The following EPM2A variants were observed in gnomAD, a reference collection of about 807,000 sequenced individuals.
EPM2A encodes EPM2A glucan phosphatase, laforin.
EPM2A carries 21 observed loss-of-function variants against 26.5 expected under a neutral mutation model. That is an observed-to-expected ratio of 0.79 (90% CI 0.56 to 1.14). EPM2A has a LOEUF of 1.14. Among genes scored for constraint, EPM2A ranks in the 50% most tolerant of loss-of-function variants. The pLI is 0.00. For synonymous variants in EPM2A, 217 were observed against 177.6 expected (o/e 1.22, Z -1.76); for missense variants, 458 against 440.8 (o/e 1.04, Z -0.35).
chr6:145,546,353 TC>T (rs760414984), intron 2 of EPM2A, among the ~76,000 whole-genome samples: 52 of 152,248 alleles, frequency 3.4e-4, no homozygotes, highest in Non-Finnish European at 6.0e-4. Context: ...AAAAAGTTCT[TC>T]CTTTTCTCTG....
chr6:145,652,457 G>T (rs1777950541), intron 2 of EPM2A, among the ~76,000 whole-genome samples: 1 of 152,004 alleles, frequency 6.6e-6, no homozygotes, highest in African/African-American at 2.4e-5. Flanking sequence ...TTCTGAAGGT[G>T]TTTACAAGAC....
At chr6:145,651,279 G>A (rs1777859089) in intron 2 of EPM2A, among the ~76,000 whole-genome samples, 1 of 152,162 alleles carries the variant, frequency 6.6e-6, no homozygotes, top group Non-Finnish European at 1.5e-5. Flanking sequence ...CTTGAAGTAA[G>A]GAATTCTACA....
chr6:145,395,864 G>A (rs1778398985), intron 4 of EPM2A, among the ~76,000 whole-genome samples: 1 of 152,124 alleles, frequency 6.6e-6, no homozygotes, highest in South Asian at 2.1e-4. Context: ...GCTACATGGT[G>A]GTTTCTCTGA....
chr6:145,729,309 G>A (rs1364672516), intron 1 of EPM2A, among the ~76,000 whole-genome samples: 1 of 152,152 alleles, frequency 6.6e-6, no homozygotes, highest in Non-Finnish European at 1.5e-5. Flanking sequence ...CTGTCCTCTA[G>A]ACACCACAAT....
rs9497297 is a variant in EPM2A at position 145,412,016 on chromosome 6, G to A, written c.556-27919C>T. The stretch of plus-strand genomic sequence containing the variant: ...AGACGGATCACCAGGTCAGGAGTTC[G>A]AGGCCAGCCTGGCAAACATAGTGAA... On this transcript the variant is annotated intron_variant, in intron 4 of 4. Coordinates refer to the EPM2A transcript ENST00000638717. Among the ~76,000 whole-genome samples the A allele has an allele frequency of 5.9e-3, 901 of 152,046 alleles. 6 individuals are homozygous for A. The highest frequency in any genetic ancestry group is 0.021 in the African/African-American group (865 of 41,476).
chr6:145,597,831 T>G (rs1303471355), intron 2 of EPM2A, among the ~76,000 whole-genome samples: 1 of 152,222 alleles, frequency 6.6e-6, no homozygotes, highest in Non-Finnish European at 1.5e-5. Context: ...AGTATTTAGT[T>G]TTCTTTTCCT....
intron 2 of EPM2A, among the ~76,000 whole-genome samples, chr6:145,577,958 A>G (rs1419329023): frequency 2.0e-5 from 3 of 152,122 alleles, no homozygotes; most frequent in Admixed American, 1.3e-4. Flanking sequence ...GACCATTGGG[A>G]CAATGAAGAA....
At chr6:145,423,681 T>C (rs573283220) in intron 4 of EPM2A, among the ~76,000 whole-genome samples, 27 of 152,268 alleles carry the variant, frequency 1.8e-4, no homozygotes, top group Admixed American at 3.3e-4. Flanking sequence ...CCGGTGACCT[T>C]GCCAATGTGG....
chr6:145,706,643 CAT>C (rs1338519819), intron 1 of EPM2A, among the ~76,000 whole-genome samples: 2 of 152,148 alleles, frequency 1.3e-5, no homozygotes, highest in East Asian at 3.9e-4. Context: ...GCAGACAACA[CAT>C]AGAGATTAAA....
At position 145,442,128 on chromosome 6, in the gene EPM2A, G is replaced by A. The variant is rs192934896; in HGVS notation, c.556-58031C>T. Among the ~76,000 whole-genome samples the A allele has an allele frequency of 1.7e-3, 260 of 152,186 alleles. 3 individuals carry two copies. The highest frequency in any genetic ancestry group is 0.011 in the Admixed American group (170 of 15,296). ...CACCTCAGCCTGGATTTCATTGTCC[G>A]TATCATTATCAGCATTTTGGTCAAA... is the stretch of plus-strand genomic sequence containing the variant. On this transcript the variant is annotated intron_variant, in intron 4 of 4. Coordinates refer to the EPM2A transcript ENST00000638717.
At chr6:145,570,841 C>A (rs570106215) in intron 2 of EPM2A, among the ~76,000 whole-genome samples, 1 of 152,300 alleles carries the variant, frequency 6.6e-6, no homozygotes, top group African/African-American at 2.4e-5. Context: ...GCATACTCTT[C>A]CTTACCTCCG....
At chr6:145,660,506 A>G (rs1159451245) in intron 2 of EPM2A, among the ~76,000 whole-genome samples, 1 of 152,178 alleles carries the variant, frequency 6.6e-6, no homozygotes, top group Non-Finnish European at 1.5e-5. Flanking sequence ...GTAGGCACTC[A>G]AAAAACATTT....
chr6:145,583,793 G>A (rs1781148656), intron 2 of EPM2A, among the ~76,000 whole-genome samples: 1 of 151,984 alleles, frequency 6.6e-6, no homozygotes, highest in Non-Finnish European at 1.5e-5. Flanking sequence ...AGCTGCAAGA[G>A]GGATGCCTGT....
intron 2 of EPM2A, among the ~76,000 whole-genome samples, chr6:145,659,574 C>T (rs188580839): frequency 6.6e-6 from 1 of 152,082 alleles, no homozygotes; most frequent in East Asian, 1.9e-4. Context: ...GAAAGCAAAT[C>T]ACATACTAAA....
intron 1 of EPM2A, 98 bp downstream of exon 1, chr6:145,735,100 G>C (rs1776770050): frequency 1.2e-6 from 1 of 834,594 alleles, no homozygotes; most frequent in Admixed American, 4.3e-5. Flanking sequence ...GACGCGCGCC[G>C]CCGGGGCCTG....
At chr6:145,399,539 G>GA (rs371462018) in intron 4 of EPM2A, among the ~76,000 whole-genome samples, 2 of 151,882 alleles carry the variant, frequency 1.3e-5, no homozygotes, top group African/African-American at 4.8e-5. Flanking sequence ...TATGCGAACA[G>GA]AAAAAAAATC....
chr6:145,694,628 A>T (rs1247734984), intron 1 of EPM2A, among the ~76,000 whole-genome samples: 2 of 152,050 alleles, frequency 1.3e-5, no homozygotes, highest in Non-Finnish European at 1.5e-5. Flanking sequence ...GGTGAGATGC[A>T]GAAAGAGAAG....
At chr6:145,582,064 A>C (rs962710676) in intron 2 of EPM2A, among the ~76,000 whole-genome samples, 4 of 152,020 alleles carry the variant, frequency 2.6e-5, no homozygotes, top group African/African-American at 7.3e-5. Context: ...TAACTTTCTT[A>C]TGTGGGTGTT....
chr6:145,591,598 A>C (rs1781273943), intron 2 of EPM2A, among the ~76,000 whole-genome samples: 1 of 152,186 alleles, frequency 6.6e-6, no homozygotes, highest in Admixed American at 6.6e-5. Context: ...ACATTCAACA[A>C]AATTATCTTT....
Sources: allele counts gnomAD v4.1 joint callset (sites outside exome capture counted in the v4.1 genomes callset), GRCh38; gene constraint gnomAD v4.1.1; transcripts MANE v1.5; gene names NCBI Gene and HGNC (gene_info 2026-07-23, HGNC 2026-07-21).